Variants in DLGAP1 observed in about 807,000 individuals in gnomAD.
DLGAP1 encodes the protein disks large-associated protein 1.
A neutral mutation model predicts 90.8 loss-of-function variants in DLGAP1; 11 were observed. The ratio of observed to expected loss-of-function variants is 0.12; its 90% CI spans 0.08 to 0.20. The LOEUF (loss-of-function observed/expected upper bound fraction) is 0.20. Ranked by LOEUF, DLGAP1 falls within the 10% of genes least tolerant of loss-of-function variation. DLGAP1 has a pLI of 1.00. For missense variants in DLGAP1, 1,050 were observed against 1,333.8 expected, an observed-to-expected ratio of 0.79 and a Z score of 3.31; for synonymous variants, 558 against 540.7, an observed-to-expected ratio of 1.03 and a Z score of -0.44.
intron 8 of DLGAP1, among the ~76,000 whole-genome samples, chr18:3,570,328 G>C (rs474219): frequency 0.5 from 74,775 of 150,398 alleles, 19,642 homozygotes; most frequent in East Asian, 0.99. Flanking sequence ...GCCCAGGTTA[G>C]AGTGCAGTGG....
intron 4 of DLGAP1, among the ~76,000 whole-genome samples, chr18:3,834,747 C>A (rs772945558): frequency 6.6e-6 from 1 of 152,142 alleles, no homozygotes; most frequent in African/African-American, 2.4e-5. Context: ...TTACTTTTAA[C>A]CCTGTATCAA....
At chr18:4,330,925 G>T (rs2080935003) in intron 1 of DLGAP1, among the ~76,000 whole-genome samples, 1 of 151,706 alleles carries the variant, frequency 6.6e-6, no homozygotes, top group Non-Finnish European at 1.5e-5. Flanking sequence ...CAGTTACTGG[G>T]AGCAGAGTGT....
At chr18:3,908,557 G>GTT (rs2071963133) in intron 3 of DLGAP1, among the ~76,000 whole-genome samples, 1 of 152,138 alleles carries the variant, frequency 6.6e-6, no homozygotes, top group Non-Finnish European at 1.5e-5. Flanking sequence ...GTGCAGTTCA[G>GTT]GTTGGTGGCC....
rs146341271 is a variant in DLGAP1, at chr18:3,595,495, G to T, written c.1592-13247C>A. Reference sequence around the variant, plus strand: ...TGAAAGGACACAGACTGGGAAACAGGCATGAGAAAAAAAAAAGGAAGTAGA... The same window carrying T: ...TGAAAGGACACAGACTGGGAAACAGTCATGAGAAAAAAAAAAGGAAGTAGA... On this transcript the variant is annotated intron_variant, in intron 7 of 12. Coordinates refer to ENST00000315677, the MANE Select transcript of DLGAP1 (RefSeq NM_004746.4). Among the ~76,000 whole-genome samples the T allele has an allele frequency of 1.9e-3, 291 of 152,022 alleles. 3 individuals are homozygous for T. Among genetic ancestry groups the T allele is most frequent in the African/African-American group, 6.8e-3 (283 of 41,466 alleles).
rs903989036 is a variant in DLGAP1 at position 4,279,477 on chromosome 18, T to C, written c.-266-128190A>G. 2.0e-5 allele frequency among the ~76,000 whole-genome samples: 3 copies of C among 152,172 alleles called. No individual in the cohort carries two copies. The East Asian group carries it at 5.8e-4, about 29-fold the overall frequency. On this transcript the variant is annotated intron_variant, in intron 1 of 12. Coordinates refer to ENST00000315677, the MANE Select transcript of DLGAP1 (RefSeq NM_004746.4). ...TCCTGCTTCTTTGAGAAAAACCACA[T>C]GGGCTTTAAAAAATAAACCGTTGAC...
intron 7 of DLGAP1, among the ~76,000 whole-genome samples, chr18:3,651,621 C>T (rs773909052): frequency 4.0e-5 from 6 of 151,358 alleles, no homozygotes; most frequent in African/African-American, 1.5e-4. Flanking sequence ...GGCGAACCCC[C>T]GTCTCCACTA....
intron 2 of DLGAP1, among the ~76,000 whole-genome samples, chr18:4,108,219 T>C (rs1211786399): frequency 1.3e-5 from 2 of 152,078 alleles, no homozygotes; most frequent in African/African-American, 4.8e-5. Context: ...CCTCATACCC[T>C]GAAGAAAGGA....
intron 3 of DLGAP1, among the ~76,000 whole-genome samples, chr18:3,923,724 A>G (rs1257213272): frequency 1.3e-5 from 2 of 152,186 alleles, no homozygotes; most frequent in East Asian, 3.8e-4. Context: ...CACTCTTGCT[A>G]TCTGGAAGTA....
At position 4,248,955 on chromosome 18, in the gene DLGAP1, T is replaced by A. The variant is rs1338531637; in HGVS notation, c.-266-97668A>T. Reference sequence around the variant, plus strand: ...CAGGCACCCTCCGGCCTCCCGCCCATGTATGTGCTGCCTTTGCCTGGAATG... The same window carrying A: ...CAGGCACCCTCCGGCCTCCCGCCCAAGTATGTGCTGCCTTTGCCTGGAATG... On this transcript the variant is annotated intron_variant, in intron 1 of 12. Coordinates refer to ENST00000315677, the MANE Select transcript of DLGAP1 (RefSeq NM_004746.4). Among the ~76,000 whole-genome samples, 3 of 152,216 alleles carry A rather than the reference T, an allele frequency of 2.0e-5. No homozygotes were observed. In the South Asian group the frequency reaches 6.2e-4, roughly 32 times the overall value.
Position 3,870,237 on chromosome 18 carries a change from T to C in DLGAP1, c.957+8875A>G, listed in dbSNP as rs577826404. ...ATAGACACTCTCAAGGTGATTCTTG[T>C]GCACATAAAATTAAGGAAGCTTTAC... On this transcript the variant is annotated intron_variant, in intron 4 of 12. Coordinates refer to ENST00000315677, the MANE Select transcript of DLGAP1 (RefSeq NM_004746.4). 4.2e-4 allele frequency among the ~76,000 whole-genome samples: 64 copies of C among 152,338 alleles called. 2 individuals carry two copies. The highest frequency in any genetic ancestry group is 6.8e-3 in the Middle Eastern group (2 of 294).
intron 1 of DLGAP1, among the ~76,000 whole-genome samples, chr18:4,195,001 G>A (rs752209959): frequency 1.3e-5 from 2 of 152,066 alleles, no homozygotes; most frequent in Non-Finnish European, 2.9e-5. Context: ...TGGTCACCCT[G>A]ATGTGAAATA....
At chr18:3,639,341 G>A (rs974344754) in intron 7 of DLGAP1, among the ~76,000 whole-genome samples, 7 of 135,286 alleles carry the variant, frequency 5.2e-5, no homozygotes, top group Non-Finnish European at 9.6e-5. Flanking sequence ...GGGCAACAGC[G>A]AGACTCCATC....
chr18:4,175,809 G>T (rs545515430), intron 1 of DLGAP1, among the ~76,000 whole-genome samples: 9 of 151,880 alleles, frequency 5.9e-5, no homozygotes, highest in Non-Finnish European at 1.2e-4. Flanking sequence ...AAACAGTACC[G>T]TGCTGTTTTG....
At chr18:3,724,528 G>A (rs1390831869) in intron 7 of DLGAP1, among the ~76,000 whole-genome samples, 1 of 152,090 alleles carries the variant, frequency 6.6e-6, no homozygotes, top group East Asian at 1.9e-4. Flanking sequence ...TGGATCACTG[G>A]AGCCCAGGAG....
At chr18:3,572,444 G>A (rs1297075656) in intron 8 of DLGAP1, among the ~76,000 whole-genome samples, 2 of 150,594 alleles carry the variant, frequency 1.3e-5, no homozygotes, top group Admixed American at 1.3e-4. Context: ...TTATTTGTTT[G>A]TTTGTTTGTT....
intron 2 of DLGAP1, among the ~76,000 whole-genome samples, chr18:4,124,682 T>A (rs1435810649): frequency 6.6e-6 from 1 of 152,228 alleles, no homozygotes; most frequent in East Asian, 1.9e-4. Flanking sequence ...GTATTTTCTA[T>A]TAAGGAGGAA....
chr18:3,893,876 C>T (rs1447593723), intron 3 of DLGAP1, among the ~76,000 whole-genome samples: 1 of 151,986 alleles, frequency 6.6e-6, no homozygotes, highest in Non-Finnish European at 1.5e-5. Flanking sequence ...TCCTTGCCAA[C>T]GTCTGTTATT....
intron 2 of DLGAP1, among the ~76,000 whole-genome samples, chr18:4,130,670 A>G (rs1298319163): frequency 6.6e-6 from 1 of 152,140 alleles, no homozygotes; most frequent in Non-Finnish European, 1.5e-5. Context: ...CATCGCACAC[A>G]CATACACACA....
At chr18:3,701,966 T>C (rs1449809548) in intron 7 of DLGAP1, among the ~76,000 whole-genome samples, 1 of 152,160 alleles carries the variant, frequency 6.6e-6, no homozygotes, top group Non-Finnish European at 1.5e-5. Context: ...TGCCAAGATA[T>C]CGGGGTAAGG....
Sources: allele counts gnomAD v4.1 joint callset (sites outside exome capture counted in the v4.1 genomes callset), GRCh38; gene constraint gnomAD v4.1.1; transcripts MANE v1.5; gene names NCBI Gene and HGNC (gene_info 2026-07-23, HGNC 2026-07-21).